Variants in GSPT1 observed in about 807,000 individuals in gnomAD.
The protein encoded by GSPT1 is eukaryotic peptide chain release factor GTP-binding subunit ERF3A.
Under a neutral mutation model 72.5 loss-of-function variants are expected in GSPT1, and 20 were observed. The observed-to-expected ratio is 0.28, with a 90% CI of 0.19 to 0.40. GSPT1 has a LOEUF of 0.40. GSPT1 is among the 10% of genes least tolerant of loss of function. GSPT1 has a pLI of 1.00. For synonymous variants in GSPT1, 334 were observed against 293.5 expected (o/e 1.14, Z -1.41); for missense variants, 580 against 811.9 (o/e 0.71, Z 3.47).
intron 11 of GSPT1, among the ~76,000 whole-genome samples, chr16:11,878,425 TTGTTTC>T (rs1257254691): frequency 3.9e-4 from 59 of 152,092 alleles, no homozygotes; most frequent in African/African-American, 1.2e-3. Context: ...CCTAAACTCT[TTGTTTC>T]TAACAAAATA....
chr16:11,914,078 G>T (rs541183942), intron 1 of GSPT1, among the ~76,000 whole-genome samples: 1 of 152,192 alleles, frequency 6.6e-6, no homozygotes. Flanking sequence ...TTTAAAGAGA[G>T]AAATCAACAA....
chr16:11,888,016 G>A (rs1207517036), intron 6 of GSPT1, among the ~76,000 whole-genome samples: 1 of 152,120 alleles, frequency 6.6e-6, no homozygotes, highest in East Asian at 1.9e-4. Context: ...ACAAAAATTA[G>A]CTGGGTGTGG....
chr16:11,887,885 C>T (rs1402333560), intron 6 of GSPT1, 135 bp from the exon 7 acceptor site: 3 of 690,768 alleles, frequency 4.3e-6, no homozygotes, highest in Non-Finnish European at 4.8e-6. Context: ...GAAAATTGAG[C>T]CGGGTGCGGT....
intron 12 of GSPT1, 56 bp from the exon 13 acceptor site, chr16:11,876,231 A>G (rs151212529): frequency 3.5e-5 from 38 of 1,077,030 alleles, no homozygotes; most frequent in Middle Eastern, 2.0e-4. Context: ...TAAGAATTCA[A>G]TGTTCTCAAG....
intron 1 of GSPT1, among the ~76,000 whole-genome samples, chr16:11,901,446 T>C (rs1416716098): frequency 3.9e-5 from 6 of 152,198 alleles, no homozygotes; most frequent in Admixed American, 3.3e-4. Flanking sequence ...CAGTGTTATC[T>C]CTATGTTTAG....
At chr16:11,875,614 T>C in intron 14 of GSPT1, 147 bp downstream of exon 14, 1 of 571,230 alleles carries the variant, frequency 1.8e-6, no homozygotes, top group South Asian at 2.7e-5. Context: ...GTTCAATACA[T>C]TCAACTCATA....
intron 4 of GSPT1, chr16:11,895,413 A>AAG (rs1345023385): frequency 7.0e-6 from 1 of 143,104 alleles, no homozygotes; most frequent in Admixed American, 7.4e-5. Context: ...CCTGGGCGAC[A>AAG]AGAGTGAAAC....
At chr16:11,875,211 G>A (rs891873912) in intron 14 of GSPT1, among the ~76,000 whole-genome samples, 2 of 149,594 alleles carry the variant, frequency 1.3e-5, no homozygotes, top group Admixed American at 6.7e-5. Context: ...GGAAAGGGAA[G>A]AGGAAAGGGA....
chr16:11,894,081 A>C (rs1357856621), intron 5 of GSPT1, among the ~76,000 whole-genome samples: 1 of 137,392 alleles, frequency 7.3e-6, no homozygotes, highest in African/African-American at 2.7e-5. Flanking sequence ...GCTTGAGTCC[A>C]GGAGGTCGAG....
intron 6 of GSPT1, among the ~76,000 whole-genome samples, chr16:11,888,836 GCAGT>G (rs2054217569): frequency 6.6e-6 from 1 of 152,066 alleles, no homozygotes. Flanking sequence ...TTATATAAAC[GCAGT>G]CAATTATACC....
chr16:11,906,963 C>A (rs1311854391), intron 1 of GSPT1, among the ~76,000 whole-genome samples: 1 of 152,024 alleles, frequency 6.6e-6, no homozygotes, highest in African/African-American at 2.4e-5. Flanking sequence ...AAAGCAAACA[C>A]CAGAAAGAAG....
At chr16:11,887,956 G>A (rs1399079608) in intron 6 of GSPT1, among the ~76,000 whole-genome samples, 1 of 152,072 alleles carries the variant, frequency 6.6e-6, no homozygotes, top group Non-Finnish European at 1.5e-5. Flanking sequence ...AAGGTCAGGG[G>A]TTCGACACCA....
At chr16:11,906,082 C>G (rs907869903) in intron 1 of GSPT1, among the ~76,000 whole-genome samples, 4 of 151,880 alleles carry the variant, frequency 2.6e-5, no homozygotes, top group Admixed American at 2.6e-4. Context: ...CATTTTTTCA[C>G]TTTTCTTTTT....
At chr16:11,883,828 G>A (rs1004617501) in intron 10 of GSPT1, among the ~76,000 whole-genome samples, 2 of 151,484 alleles carry the variant, frequency 1.3e-5, no homozygotes, top group Admixed American at 6.6e-5. Flanking sequence ...CATGAGAATC[G>A]CTTGAACCCA....
At chr16:11,886,659 G>A in intron 8 of GSPT1, 48 bp from the exon 9 acceptor site, 1 of 1,562,602 alleles carries the variant, frequency 6.4e-7, no homozygotes, top group Non-Finnish European at 8.8e-7. Flanking sequence ...TGTAAACCAA[G>A]AACTCTAGTT....
At chr16:11,885,314 T>C in intron 9 of GSPT1, 40 bp from the exon 10 acceptor site, 2 of 952,904 alleles carry the variant, frequency 2.1e-6, no homozygotes, top group Non-Finnish European at 1.7e-6. Flanking sequence ...GAAGTCAACA[T>C]AAATATCAAA....
chr16:11,883,502 C>T (rs1567438098), intron 10 of GSPT1, among the ~76,000 whole-genome samples: 1 of 144,444 alleles, frequency 6.9e-6, no homozygotes, highest in Non-Finnish European at 1.5e-5. Flanking sequence ...TGCCTGTAAT[C>T]CCAGCTACTC....
rs896395331 is a variant in GSPT1 at position 11,914,909 on chromosome 16, C to T, written c.352+460G>A. The T allele has an allele frequency of 7.1e-5, 56 of 786,186 alleles. No individual in the cohort carries two copies. The South Asian group carries it at 7.6e-4, about 11-fold the overall frequency. The allele number at this position is 786,186 out of a possible 1,614,324, so 48.7% of individuals were successfully genotyped here. On this transcript the variant is annotated intron_variant, in intron 1 of 14. Coordinates refer to ENST00000434724, the MANE Select transcript of GSPT1 (RefSeq NM_002094.4). ...CAATAGTAGAAAACGCAGCAGAAGA[C>T]GCTCTCTCGGCTGGGCCTAAGGTGA...
chr16:11,906,065 A>ATTTTTCTTTTT (rs1243448713), intron 1 of GSPT1, among the ~76,000 whole-genome samples: 1 of 151,996 alleles, frequency 6.6e-6, no homozygotes, highest in African/African-American at 2.4e-5. Context: ...TTCCAGTCAC[A>ATTTTTCTTTTT]TCACTTCATT....
Sources: gnomAD v4.1 joint callset for allele counts (sites outside exome capture counted in the v4.1 genomes callset) on GRCh38, gnomAD v4.1.1 for gene constraint, MANE v1.5 for transcripts, NCBI Gene and HGNC (gene_info 2026-07-23, HGNC 2026-07-21) for gene names.